Variants in DUOX2 observed in about 807,000 individuals in gnomAD.
The protein encoded by DUOX2 is NADH/NADPH thyroid oxidase p138-tox.
Under a neutral mutation model 183.3 loss-of-function variants are expected in DUOX2, and 185 were observed. That is an observed-to-expected ratio of 1.01 (90% CI 0.90 to 1.14). The LOEUF is 1.14. DUOX2 is among the 50% of genes most tolerant of loss of function. The probability of loss-of-function intolerance (pLI) is 0.00; values close to 1 mark genes in which losing one functional copy is unlikely to be tolerated. For synonymous variants in DUOX2, 788 were observed against 812.4 expected, an observed-to-expected ratio of 0.97 and a Z score of 0.51; for missense variants, 1,999 against 2,022.9, an observed-to-expected ratio of 0.99 and a Z score of 0.23.
At chr15:45,103,561 A>G (rs1020885940) in intron 20 of DUOX2, among the ~76,000 whole-genome samples, 1 of 152,246 alleles carries the variant, frequency 6.6e-6, no homozygotes, top group Admixed American at 6.5e-5. Context: ...GGTGATGAAT[A>G]GCGGAGCAGC....
intron 26 of DUOX2, 187 bp downstream of exon 26, chr15:45,099,196 G>C (rs1179726017): frequency 4.0e-6 from 2 of 497,904 alleles, no homozygotes; most frequent in East Asian, 4.0e-5. Context: ...ATTTTTAGTA[G>C]AGACGGGGTT....
intron 1 of DUOX2, 109 bp from the exon 2 acceptor site, chr15:45,113,534 C>A (rs1176607191): frequency 5.9e-6 from 5 of 848,676 alleles, no homozygotes; most frequent in African/African-American, 1.7e-5. Context: ...GGAGCACCAG[C>A]TGTTTCCACT....
chr15:45,101,319 A>C (rs1199330627), intron 21 of DUOX2, 45 bp from the exon 22 acceptor site: 63 of 1,540,438 alleles, frequency 4.1e-5, no homozygotes, highest in Non-Finnish European at 5.5e-5. Flanking sequence ...CCACAAGGGC[A>C]GTGGGGTAGG....
Position 45,093,328 on chromosome 15 carries a change from T to A in DUOX2, c.*822A>T, listed in dbSNP as rs1017067260. 1 of 152,246 alleles carries A rather than the reference T, an allele frequency of 6.6e-6. No homozygotes were observed. Among genetic ancestry groups the A allele is most frequent in the African/African-American group, 2.4e-5 (1 of 41,432 alleles). 9.4% of individuals were successfully genotyped at this position (152,246 alleles called of 1,614,324 possible). A position where few individuals can be genotyped will look rare whatever the true frequency, so the allele number is the denominator to read the frequency against. ...ATATCTGGCAGAGAGGCTGGAATCC[T>A]TCAGCCCCAGAGCCCAGGGACCACT... On this transcript the variant is annotated 3_prime_UTR_variant, in exon 34 of 34. Coordinates refer to ENST00000389039, the MANE Select transcript of DUOX2 (RefSeq NM_001363711.2).
At chr15:45,112,858 A>T in intron 3 of DUOX2, 129 bp downstream of exon 3, 1 of 1,546,436 alleles carries the variant, frequency 6.5e-7, no homozygotes, top group South Asian at 1.1e-5. Context: ...CCGGGAGCGC[A>T]TAAGATTGCG....
chr15:45,100,404 G>C (rs1464004232), intron 23 of DUOX2, 176 bp from the exon 24 acceptor site: 3 of 638,440 alleles, frequency 4.7e-6, no homozygotes, highest in Non-Finnish European at 8.1e-6. Context: ...TTCTGTCTTT[G>C]CTCCATCCAC....
rs770083296 is a variant in DUOX2 at position 45,106,600 on chromosome 15, G to T, written c.1873C>A (p.Arg625=). The change falls in exon 16 of 34, where the codon CGA becomes AGA. Residue 625 remains arginine (R), a synonymous_variant. Coordinates refer to ENST00000389039, the MANE Select transcript of DUOX2 (RefSeq NM_001363711.2). ...LSGVVAYFRG[R]EHKKLQKKLK... ...TTCTTTTGTAGCTTCTTGTGTTCTC[G>T]GCCCCGGAAATAGGCCACCACTCCA... The T allele has an allele frequency of 1.2e-6, 2 of 1,613,748 alleles. No individual in the cohort carries two copies. The highest frequency in any genetic ancestry group is 2.7e-5 in the African/African-American group (2 of 74,788).
Position 45,096,130 on chromosome 15 carries a change from C to T in DUOX2, c.3848-70G>A, listed in dbSNP as rs576282775. On this transcript the variant is annotated intron_variant, in intron 29 of 33. Coordinates refer to ENST00000389039, the MANE Select transcript of DUOX2 (RefSeq NM_001363711.2). ...CCTGGTACCTGAGGACTGATAGGCA[C>T]CTGTCCTCTTCACACCCCTGAGGCC... 5.0e-4 allele frequency: 674 copies of T among 1,346,436 alleles called. 8 individuals carry two copies. The South Asian group carries it at 7.4e-3, about 15-fold the overall frequency. 83.4% of individuals were successfully genotyped at this position (1,346,436 alleles called of 1,614,324 possible). A position where few individuals can be genotyped will look rare whatever the true frequency, so the allele number is the denominator to read the frequency against.
At chr15:45,105,566 C>A in intron 18 of DUOX2, 77 bp downstream of exon 18, 1 of 1,572,168 alleles carries the variant, frequency 6.4e-7, no homozygotes, top group Non-Finnish European at 8.7e-7. Flanking sequence ...AGTTCACCCA[C>A]AGGGGCGTTC....
intron 26 of DUOX2, among the ~76,000 whole-genome samples, chr15:45,098,274 C>G (rs909865593): frequency 1.3e-5 from 2 of 152,242 alleles, no homozygotes; most frequent in African/African-American, 4.8e-5. Flanking sequence ...ATCCTGAACT[C>G]TCTTACTGTG....
At chr15:45,098,183 G>A (rs1385224156) in intron 26 of DUOX2, 125 bp from the exon 27 acceptor site, 2 of 882,824 alleles carry the variant, frequency 2.3e-6, no homozygotes, top group Non-Finnish European at 3.6e-6. Flanking sequence ...CACCCAGTTG[G>A]CCAGGGATCC....
chr15:45,112,627 G>C lies in DUOX2; in HGVS notation c.252C>G (p.Leu84=), dbSNP rs1894468472. Residue 84 remains leucine, a synonymous_variant, in exon 4 of 34, where the codon CTC becomes CTG. Coordinates refer to ENST00000389039, the MANE Select transcript of DUOX2 (RefSeq NM_001363711.2). ...CTATGCCCCGCGTGGCTGCGTTGCT[G>C]AGCCGGCGCGGGTTGGGCAGCTGCG... ...EEPQLPNPRR[L]SNAATRGIAG... 1.2e-6 allele frequency: 2 copies of C among 1,612,844 alleles called. No individual in the cohort carries two copies. Among genetic ancestry groups the C allele is most frequent in the East Asian group, 4.5e-5 (2 of 44,870 alleles).
At position 45,110,690 on chromosome 15, in the gene DUOX2, C is replaced by A. The variant is rs568196384; in HGVS notation, c.903G>T (p.Trp301Cys). The change falls in exon 8 of 34, where the codon TGG (tryptophan) becomes TGT (cysteine). Residue 301 changes from tryptophan to cysteine, a missense_variant. Physicochemically the swap from Trp to Cys is radical, Grantham distance 215 (BLOSUM62 -2). This residue lies in a region of DUOX2 where 1,628 missense variants were observed against 1,608.6 expected (regional missense o/e 1.01). Coordinates refer to ENST00000389039, the MANE Select transcript of DUOX2 (RefSeq NM_001363711.2). ...GTGTTTTCTGCAGGAAGCTGGGCAGCCACTCATACACAGCGATGTTCTGAG... is the reference window on the plus strand; with the variant it reads ...GTGTTTTCTGCAGGAAGCTGGGCAGACACTCATACACAGCGATGTTCTGAG... ...ATYQNIAVYEWLPSFLQKTLP... is the reference protein window; with the variant it reads ...ATYQNIAVYECLPSFLQKTLP... The A allele has an allele frequency of 8.7e-6, 14 of 1,612,414 alleles. No homozygotes were observed. In the East Asian group the frequency reaches 1.8e-4, roughly 21 times the overall value.
At chr15:45,097,478 G>A in intron 28 of DUOX2, 87 bp from the exon 29 acceptor site, 1 of 1,612,846 alleles carries the variant, frequency 6.2e-7, no homozygotes, top group Admixed American at 1.7e-5. Flanking sequence ...GCCTGTGCCG[G>A]GGAGATAGGG....
At chr15:45,112,915 C>T in intron 3 of DUOX2, 72 bp downstream of exon 3, 1 of 1,579,872 alleles carries the variant, frequency 6.3e-7, no homozygotes, top group Non-Finnish European at 8.7e-7. Context: ...CGCAGATTCC[C>T]CGCTCAGGGC....
Position 45,107,385 on chromosome 15 carries a change from G to T in DUOX2, c.1653C>A (p.Asp551Glu). The change falls in exon 14 of 34, where the codon GAC becomes GAA. Residue 551 changes from aspartate (D) to glutamate (E), a missense_variant. By Grantham distance (45) the Asp-to-Glu change is conservative. This residue lies in a region of DUOX2 where 1,628 missense variants were observed against 1,608.6 expected (regional missense o/e 1.01). Transcript: ENST00000389039. ...AGACATTGGGCTGCAGGGCACTGGGGTCAATGTTGATAACAGCGACCAGCA... is the reference window on the plus strand; with the variant it reads ...AGACATTGGGCTGCAGGGCACTGGGTTCAATGTTGATAACAGCGACCAGCA... ...RDVLVAVINI[D>E]PSALQPNVFV... is the part of the protein sequence containing the mutation. 6.2e-7 allele frequency: 1 copy of T among 1,614,258 alleles called. No homozygotes were observed. The highest frequency in any genetic ancestry group is 8.5e-7 in the Non-Finnish European group (1 of 1,180,050).
At position 45,094,991 on chromosome 15, in the gene DUOX2, A is replaced by C; in HGVS notation, c.4340T>G (p.Val1447Gly). 1 of 1,614,158 alleles carries C rather than the reference A, an allele frequency of 6.2e-7. No homozygotes were observed. Among genetic ancestry groups the C allele is most frequent in the East Asian group, 2.2e-5 (1 of 44,878 alleles). ...EENDHQDLVS[V>G]HIYVTQLAEK... ...AGCCAGCTGGGTGACATAAATGTGC[A>C]CAGACACCAGGTCCTGGTGGTCGTT... The change falls in exon 32 of 34, where the codon GTG becomes GGG. Residue 1447 changes from valine (V) to glycine (G), a missense_variant. Physicochemically the swap from Val to Gly is moderately radical, Grantham distance 109. Transcript: ENST00000389039.
chr15:45,094,375 A>G, intron 33 of DUOX2, 103 bp from the exon 34 acceptor site: 2 of 1,583,942 alleles, frequency 1.3e-6, no homozygotes, highest in South Asian at 1.1e-5. Context: ...TAAGGCTTCA[A>G]GCCCAGGCCT....
At chr15:45,100,885 G>A (rs1012435404) in intron 22 of DUOX2, 47 bp from the exon 23 acceptor site, 2 of 1,379,164 alleles carry the variant, frequency 1.5e-6, no homozygotes, top group East Asian at 2.3e-5. Context: ...TTGCAGCCAG[G>A]AGAACAACTC....
Sources: allele counts gnomAD v4.1 joint callset (sites outside exome capture counted in the v4.1 genomes callset), GRCh38; gene constraint gnomAD v4.1.1; regional missense constraint gnomAD v4.1.1; transcripts MANE v1.5; gene names NCBI Gene and HGNC (gene_info 2026-07-23, HGNC 2026-07-21).